Variants in GPAT4 observed in about 807,000 individuals in gnomAD.
The protein encoded by GPAT4 is glycerol-3-phosphate acyltransferase 4, also known as 1-AGP acyltransferase 6.
A neutral mutation model predicts 58.0 loss-of-function variants in GPAT4; 17 were observed. The ratio of observed to expected loss-of-function variants is 0.29; its 90% CI spans 0.20 to 0.44. The LOEUF (loss-of-function observed/expected upper bound fraction) is 0.44. GPAT4 is among the 20% of genes least tolerant of loss of function. The probability of loss-of-function intolerance (pLI) is 1.00; values close to 1 mark genes in which losing one functional copy is unlikely to be tolerated. For missense variants in GPAT4, 377 were observed against 574.5 expected (o/e 0.66, Z 3.51); for synonymous variants, 204 against 210.1 (o/e 0.97, Z 0.25).
At chr8:41,618,506 G>A in intron 10 of GPAT4, 178 bp from the exon 11 acceptor site, 1 of 763,822 alleles carries the variant, frequency 1.3e-6, no homozygotes. Context: ...GGAGATCAGT[G>A]TTGCTCACAG....
chr8:41,618,579 C>T lies in GPAT4; in HGVS notation c.1054-105C>T, dbSNP rs1803659815. The T allele has an allele frequency of 1.9e-5, 27 of 1,436,144 alleles. No individual in the cohort carries two copies. In the South Asian group the frequency reaches 2.9e-4, roughly 15 times the overall value. 89.0% of individuals were successfully genotyped at this position (1,436,144 alleles called of 1,614,324 possible). The stretch of plus-strand genomic sequence containing the variant: ...TCATGCAAGGTCAGGGAGCAGCACC[C>T]CAGTACCAGCACGGCCCAGTGGAGT... On this transcript the variant is annotated intron_variant, in intron 10 of 12. Coordinates refer to ENST00000396987, the MANE Select transcript of GPAT4 (RefSeq NM_178819.4).
chr8:41,587,500 T>C (rs1005300101), intron 1 of GPAT4, among the ~76,000 whole-genome samples: 1 of 152,322 alleles, frequency 6.6e-6, no homozygotes. Flanking sequence ...CAGCACATAT[T>C]ATCACTTTGC....
chr8:41,586,099 T>G (rs759100312), intron 1 of GPAT4, among the ~76,000 whole-genome samples: 20 of 152,260 alleles, frequency 1.3e-4, no homozygotes, highest in Non-Finnish European at 2.9e-4. Context: ...CTCCCCACTC[T>G]CGCCAGCTCT....
At chr8:41,583,878 G>A (rs1382012249) in intron 1 of GPAT4, among the ~76,000 whole-genome samples, 1 of 152,236 alleles carries the variant, frequency 6.6e-6, no homozygotes, top group African/African-American at 2.4e-5. Flanking sequence ...CTGCTGTCAC[G>A]AATTTGTGCG....
Position 41,621,067 on chromosome 8 carries a change from C to G in GPAT4, c.*66C>G. ...ACGGGCTCAGAGCTGGAGTTGCCGCCGCCGCCCCCACTGCTGTGTCCTTTC... is the reference window on the plus strand; with the variant it reads ...ACGGGCTCAGAGCTGGAGTTGCCGCGGCCGCCCCCACTGCTGTGTCCTTTC... On this transcript the variant is annotated 3_prime_UTR_variant, in exon 13 of 13. Coordinates refer to ENST00000396987, the MANE Select transcript of GPAT4 (RefSeq NM_178819.4). 19 of 1,541,960 alleles carry G rather than the reference C, an allele frequency of 1.2e-5. No individual in the cohort carries two copies. Among genetic ancestry groups the G allele is most frequent in the Non-Finnish European group, 1.7e-5 (19 of 1,142,160 alleles).
chr8:41,578,800 C>G (rs370962974), intron 1 of GPAT4, among the ~76,000 whole-genome samples: 1 of 152,162 alleles, frequency 6.6e-6, no homozygotes, highest in African/African-American at 2.4e-5. Flanking sequence ...TTTTTTATTT[C>G]AGCACCCTCT....
chr8:41,621,144 C>T lies in GPAT4; in HGVS notation c.*143C>T. ...CTGGATCCCAGGACTCCGGCTTTCG[C>T]CGAGCCGCAGCGGGATCCCTGTGCA... On this transcript the variant is annotated 3_prime_UTR_variant, in exon 13 of 13. Coordinates refer to ENST00000396987, the MANE Select transcript of GPAT4 (RefSeq NM_178819.4). 1 of 1,241,774 alleles carries T rather than the reference C, an allele frequency of 8.1e-7. No homozygotes were observed. Among genetic ancestry groups the T allele is most frequent in the Non-Finnish European group, 1.1e-6 (1 of 910,404 alleles). The allele number at this position is 1,241,774 out of a possible 1,614,324, so 76.9% of individuals were successfully genotyped here. A position where few individuals can be genotyped will look rare whatever the true frequency, so the allele number is the denominator to read the frequency against.
chr8:41,592,614 C>T (rs1021344035), intron 1 of GPAT4, among the ~76,000 whole-genome samples: 2 of 152,140 alleles, frequency 1.3e-5, no homozygotes, highest in Non-Finnish European at 2.9e-5. Flanking sequence ...CATTACAGTT[C>T]CTCAACATAC....
intron 3 of GPAT4, 47 bp from the exon 4 acceptor site, chr8:41,609,608 G>C (rs377641801): frequency 6.2e-7 from 1 of 1,604,912 alleles, no homozygotes; most frequent in Non-Finnish European, 8.5e-7. Context: ...TATGTCTCAC[G>C]TGCTCTCCCC....
chr8:41,587,892 T>A (rs1802697246), intron 1 of GPAT4, among the ~76,000 whole-genome samples: 1 of 152,226 alleles, frequency 6.6e-6, no homozygotes, highest in African/African-American at 2.4e-5. Context: ...CCAGCAGTAT[T>A]TGAGGATGTT....
At chr8:41,616,167 C>T (rs766410112) in intron 10 of GPAT4, among the ~76,000 whole-genome samples, 1 of 152,194 alleles carries the variant, frequency 6.6e-6, no homozygotes, top group Non-Finnish European at 1.5e-5. Context: ...GCAGTGTGAC[C>T]GTGATGCTGG....
chr8:41,621,251 A>C lies in GPAT4; in HGVS notation c.*250A>C. 2 of 536,368 alleles carry C rather than the reference A, an allele frequency of 3.7e-6. No individual in the cohort carries two copies. The highest frequency in any genetic ancestry group is 4.5e-5 in the South Asian group (2 of 44,612). The allele number at this position is 536,368 out of a possible 1,614,324, so 33.2% of individuals were successfully genotyped here. A position where few individuals can be genotyped will look rare whatever the true frequency, so the allele number is the denominator to read the frequency against. On this transcript the variant is annotated 3_prime_UTR_variant, in exon 13 of 13. Coordinates refer to ENST00000396987, the MANE Select transcript of GPAT4 (RefSeq NM_178819.4). ...GGACGAGATGCCTTGTTTCTTTTACAATAAGTCGTTGGAGGAATGCCATTA... is the reference window on the plus strand; with the variant it reads ...GGACGAGATGCCTTGTTTCTTTTACCATAAGTCGTTGGAGGAATGCCATTA...
chr8:41,581,993 A>ATTTTTT lies in GPAT4; in HGVS notation c.-849+3742_-849+3747dup, dbSNP rs71230849. 1.9e-3 allele frequency among the ~76,000 whole-genome samples: 123 copies of ATTTTTT among 63,608 alleles called. 8 individuals carry two copies. The highest frequency in any genetic ancestry group is 3.0e-3 in the Admixed American group (11 of 3,718). 41.7% of individuals were successfully genotyped at this position (63,608 alleles called of 152,430 possible). ...AGCTTAAATCAAGGGAAGTTCAATG[A>ATTTTTT]TTTTTTTTTTTTTTTTTTTTTTTTT... is the stretch of plus-strand genomic sequence containing the variant. On this transcript the variant is annotated intron_variant, in intron 1 of 12. Coordinates refer to ENST00000396987, the MANE Select transcript of GPAT4 (RefSeq NM_178819.4).
At chr8:41,620,318 G>C (rs1308963526) in intron 12 of GPAT4, among the ~76,000 whole-genome samples, 1 of 152,164 alleles carries the variant, frequency 6.6e-6, no homozygotes, top group African/African-American at 2.4e-5. Context: ...CTGCTGCAGG[G>C]AGGCACGGGG....
intron 5 of GPAT4, among the ~76,000 whole-genome samples, chr8:41,611,367 C>T (rs966937605): frequency 4.6e-5 from 7 of 152,222 alleles, no homozygotes; most frequent in Non-Finnish European, 1.0e-4. Flanking sequence ...GAGCCACAGA[C>T]ATGTAGAGTC....
In GPAT4 at chr8:41,603,895, CAGAATGAA is replaced by C. The variant is rs1263170503; in HGVS notation, c.165+4592_165+4599del. 3.7e-5 allele frequency among the ~76,000 whole-genome samples: 3 copies of C among 81,852 alleles called. No homozygotes were observed. The Admixed American group carries it at 4.0e-4, about 11-fold the overall frequency. 53.7% of individuals were successfully genotyped at this position (81,852 alleles called of 152,430 possible). On this transcript the variant is annotated intron_variant, in intron 2 of 12. Coordinates refer to ENST00000396987, the MANE Select transcript of GPAT4 (RefSeq NM_178819.4). The stretch of plus-strand genomic sequence containing the variant: ...CTGAGGATTCCAGTCCTCAGCTGCA[CAGAATGAA>C]TGAATGAATGAATGAATGAATGGTG...
chr8:41,604,009 A>G (rs943175354), intron 2 of GPAT4, among the ~76,000 whole-genome samples: 1 of 149,990 alleles, frequency 6.7e-6, no homozygotes, highest in Non-Finnish European at 1.5e-5. Context: ...ACATTCATTC[A>G]TGGCCCACAA....
At chr8:41,584,669 C>G (rs1802605652) in intron 1 of GPAT4, 1 of 152,112 alleles carries the variant, frequency 6.6e-6, no homozygotes, top group Non-Finnish European at 1.5e-5. Flanking sequence ...GTGTTCAGGT[C>G]GAATAATGAA....
intron 2 of GPAT4, among the ~76,000 whole-genome samples, chr8:41,603,974 C>T (rs1803181907): frequency 6.6e-6 from 1 of 151,444 alleles, no homozygotes; most frequent in Admixed American, 6.6e-5. Flanking sequence ...AATAAGATAG[C>T]CAGACAGACA....
Sources: gnomAD v4.1 joint callset for allele counts (sites outside exome capture counted in the v4.1 genomes callset) on GRCh38, gnomAD v4.1.1 for gene constraint, MANE v1.5 for transcripts, NCBI Gene and HGNC (gene_info 2026-07-23, HGNC 2026-07-21) for gene names.